CDH13: variants seen among roughly 807,000 people sequenced by gnomAD.
The protein encoded by CDH13 is cadherin 13, also known as cadherin-13.
A neutral mutation model predicts 63.8 loss-of-function variants in CDH13; 24 were observed. The ratio of observed to expected loss-of-function variants is 0.38; its 90% CI spans 0.27 to 0.53. The LOEUF (loss-of-function observed/expected upper bound fraction) is 0.53. Among genes scored for constraint, CDH13 ranks in the 20% least tolerant of loss-of-function variants. CDH13 has a pLI of 0.85. For synonymous variants in CDH13, 503 were observed against 355.3 expected, an observed-to-expected ratio of 1.42 and a Z score of -4.67; for missense variants, 1,049 against 903.1, an observed-to-expected ratio of 1.16 and a Z score of -2.07.
intron 5 of CDH13, among the ~76,000 whole-genome samples, chr16:83,233,317 T>C (rs2040055748): frequency 6.6e-6 from 1 of 152,210 alleles, no homozygotes; most frequent in Non-Finnish European, 1.5e-5. Context: ...CACGACAATG[T>C]TGATGATCAT....
At chr16:82,911,074 C>G (rs1478343840) in intron 2 of CDH13, among the ~76,000 whole-genome samples, 1 of 152,146 alleles carries the variant, frequency 6.6e-6, no homozygotes, top group African/African-American at 2.4e-5. Flanking sequence ...GTAGCTCCCA[C>G]GATGGTGAGT....
At position 83,508,908 on chromosome 16, in the gene CDH13, G is replaced by A. The variant is rs894310940; in HGVS notation, c.960+22253G>A. The stretch of plus-strand genomic sequence containing the variant: ...TGAGGTGTAATGACCCAGCTGATCT[G>A]TTTGTACTTTCTCATGCTGCTAATG... On this transcript the variant is annotated intron_variant, in intron 7 of 13. Transcript: ENST00000567109. Among the ~76,000 whole-genome samples the A allele has an allele frequency of 4.7e-5, 7 of 149,242 alleles. No homozygotes were observed. In the East Asian group the frequency reaches 6.1e-4, roughly 13 times the overall value.
intron 3 of CDH13, among the ~76,000 whole-genome samples, chr16:83,095,590 A>G (rs933387799): frequency 3.9e-5 from 6 of 152,298 alleles, no homozygotes; most frequent in Non-Finnish European, 7.3e-5. Flanking sequence ...CTTCAAGCTT[A>G]TGTATTTGGG....
At chr16:83,542,168 T>A (rs2075306815) in intron 7 of CDH13, among the ~76,000 whole-genome samples, 1 of 152,220 alleles carries the variant, frequency 6.6e-6, no homozygotes, top group African/African-American at 2.4e-5. Flanking sequence ...CCATTCCTGC[T>A]GAGGTGCACA....
At chr16:82,844,124 G>C (rs1163099023) in intron 1 of CDH13, among the ~76,000 whole-genome samples, 1 of 152,132 alleles carries the variant, frequency 6.6e-6, no homozygotes, top group Non-Finnish European at 1.5e-5. Flanking sequence ...TGAGTATGAT[G>C]TAATCACAAG....
At chr16:83,324,475 C>G (rs1046159415) in intron 5 of CDH13, among the ~76,000 whole-genome samples, 1 of 152,186 alleles carries the variant, frequency 6.6e-6, no homozygotes, top group African/African-American at 2.4e-5. Flanking sequence ...CTGTTCTAAA[C>G]TTTTTTAATG....
At chr16:83,046,351 G>C (rs1385614482) in intron 3 of CDH13, among the ~76,000 whole-genome samples, 1 of 152,056 alleles carries the variant, frequency 6.6e-6, no homozygotes, top group Non-Finnish European at 1.5e-5. Flanking sequence ...CAAAACATAA[G>C]ACAACTGTTT....
intron 1 of CDH13, among the ~76,000 whole-genome samples, chr16:82,841,143 T>A (rs1321560250): frequency 6.6e-6 from 1 of 152,044 alleles, no homozygotes; most frequent in Non-Finnish European, 1.5e-5. Flanking sequence ...ATCCACGGAG[T>A]GTTGCCCTGT....
intron 1 of CDH13, among the ~76,000 whole-genome samples, chr16:82,734,579 G>C (rs772678950): frequency 4.6e-5 from 7 of 152,166 alleles, no homozygotes; most frequent in Non-Finnish European, 1.0e-4. Flanking sequence ...CACTGTCTTA[G>C]GTTGAAGAAG....
At chr16:83,436,894 A>G (rs935660462) in intron 6 of CDH13, among the ~76,000 whole-genome samples, 1 of 152,212 alleles carries the variant, frequency 6.6e-6, no homozygotes, top group Admixed American at 6.5e-5. Flanking sequence ...ACAGGCCTAA[A>G]ATAGTTACCT....
At position 83,798,905 on chromosome 16, in the gene CDH13, T is replaced by A. The variant is rs1477160328; in HGVS notation, c.*3875T>A. On this transcript the variant is annotated 3_prime_UTR_variant, in exon 14 of 14. Transcript: ENST00000567109. ...TGTTAACATCGTTCTAAATTAATAT[T>A]GAGACCTTAGAAATTTTTCCTGTGC... The A allele has an allele frequency of 6.6e-6, 1 of 152,152 alleles. No homozygotes were observed. The highest frequency in any genetic ancestry group is 1.5e-5 in the Non-Finnish European group (1 of 68,026). 9.4% of individuals were successfully genotyped at this position (152,152 alleles called of 1,614,324 possible). A position where few individuals can be genotyped will look rare whatever the true frequency, so the allele number is the denominator to read the frequency against.
intron 1 of CDH13, among the ~76,000 whole-genome samples, chr16:82,798,322 C>A (rs1050288537): frequency 9.2e-5 from 14 of 152,176 alleles, no homozygotes; most frequent in African/African-American, 2.9e-4. Context: ...GAACTCAGGT[C>A]TGTCTGATTT....
intron 6 of CDH13, among the ~76,000 whole-genome samples, chr16:83,453,970 G>A (rs779607259): frequency 6.6e-6 from 1 of 152,190 alleles, no homozygotes; most frequent in African/African-American, 2.4e-5. Flanking sequence ...GTGCACGCAG[G>A]CACCCTCTGA....
At chr16:83,074,706 C>G (rs1442536573) in intron 3 of CDH13, among the ~76,000 whole-genome samples, 1 of 152,150 alleles carries the variant, frequency 6.6e-6, no homozygotes, top group Non-Finnish European at 1.5e-5. Context: ...GTCTTTGGAG[C>G]CTTCCTTCAT....
intron 6 of CDH13, among the ~76,000 whole-genome samples, chr16:83,476,153 C>G (rs1282243159): frequency 6.6e-6 from 1 of 152,164 alleles, no homozygotes; most frequent in Non-Finnish European, 1.5e-5. Context: ...TTACTAGACT[C>G]TTAATACATG....
chr16:83,404,118 A>C (rs896432045), intron 6 of CDH13, among the ~76,000 whole-genome samples: 3 of 152,226 alleles, frequency 2.0e-5, no homozygotes, highest in African/African-American at 4.8e-5. Context: ...CTTGGCTCAG[A>C]AAATTCTGAA....
chr16:83,005,728 G>C (rs936238801), intron 2 of CDH13, among the ~76,000 whole-genome samples: 6 of 152,232 alleles, frequency 3.9e-5, no homozygotes, highest in African/African-American at 1.2e-4. Context: ...TCCAACAAGA[G>C]AGCTAGGCTT....
At chr16:83,447,840 G>T (rs530851967) in intron 6 of CDH13, among the ~76,000 whole-genome samples, 3 of 151,512 alleles carry the variant, frequency 2.0e-5, no homozygotes, top group Admixed American at 1.3e-4. Context: ...TAGTTAAAAT[G>T]AGATAGACCA....
At chr16:83,088,496 C>T (rs2033725755) in intron 3 of CDH13, among the ~76,000 whole-genome samples, 1 of 152,192 alleles carries the variant, frequency 6.6e-6, no homozygotes, top group Admixed American at 6.5e-5. Context: ...CATACTGCTG[C>T]TCTAGGATCA....
Sources: gnomAD v4.1 joint callset for allele counts (sites outside exome capture counted in the v4.1 genomes callset) on GRCh38, gnomAD v4.1.1 for gene constraint, MANE v1.5 for transcripts, NCBI Gene and HGNC (gene_info 2026-07-23, HGNC 2026-07-21) for gene names.